BAG3: variants seen among roughly 807,000 people sequenced by gnomAD.
The protein encoded by BAG3 is BAG cochaperone 3.
A neutral mutation model predicts 40.5 loss-of-function variants in BAG3; 14 were observed. The ratio of observed to expected loss-of-function variants is 0.35; its 90% CI spans 0.23 to 0.54. The LOEUF is 0.54. BAG3 is among the 20% of genes least tolerant of loss of function. The pLI is 0.91. For synonymous variants in BAG3, 302 were observed against 307.8 expected, an observed-to-expected ratio of 0.98 and a Z score of 0.20; for missense variants, 788 against 758.6, an observed-to-expected ratio of 1.04 and a Z score of -0.46.
At chr10:119,666,676 T>A (rs1392920486) in intron 1 of BAG3, among the ~76,000 whole-genome samples, 1 of 69,976 alleles carries the variant, frequency 1.4e-5, no homozygotes, top group African/African-American at 5.3e-5. Context: ...AGGAGCTGCA[T>A]CTCCTCAAGG....
chr10:119,676,443 A>T (rs196294), intron 3 of BAG3, 21 bp from the exon 4 acceptor site: 1 of 1,611,636 alleles, frequency 6.2e-7, no homozygotes. Context: ...TTAAAAATAT[A>T]TTTTTGTGTC....
chr10:119,654,127 A>G (rs1195494543), intron 1 of BAG3, among the ~76,000 whole-genome samples: 1 of 152,262 alleles, frequency 6.6e-6, no homozygotes, highest in Non-Finnish European at 1.5e-5. Flanking sequence ...ACACAATATC[A>G]GGTTGCACTT....
intron 3 of BAG3, among the ~76,000 whole-genome samples, chr10:119,676,140 T>C (rs1847231690): frequency 6.6e-6 from 1 of 151,246 alleles, no homozygotes; most frequent in Non-Finnish European, 1.5e-5. Context: ...ATTGCCCAGG[T>C]TAGCTATTTT....
At position 119,672,355 on chromosome 10, in the gene BAG3, G is replaced by C. The variant is rs1057524225; in HGVS notation, c.608G>C (p.Arg203Pro). 2 of 1,613,960 alleles carry C rather than the reference G, an allele frequency of 1.2e-6. No homozygotes were observed. Among genetic ancestry groups the C allele is most frequent in the Admixed American group, 1.7e-5 (1 of 60,000 alleles). ...AGCCTGGGCAGTCACCAGCTCCCGC[G>C]GGGGTACATCTCCATTCCGGTGATA... ...RSSLGSHQLP[R>P]GYISIPVIHE... The change falls in exon 3 of 4, where the codon CGG becomes CCG. Residue 203 changes from arginine to proline, a missense_variant. By Grantham distance (103) the Arg-to-Pro change is moderately radical. Transcript: ENST00000369085. This position sits in a 1 kb window ranked among gnomAD's most constrained non-coding sequence, Gnocchi z 4.8.
At chr10:119,657,527 G>A (rs1251795085) in intron 1 of BAG3, 2 of 471,054 alleles carry the variant, frequency 4.2e-6, no homozygotes, top group Admixed American at 2.3e-5. Context: ...CCTGCCCAGA[G>A]CGCGAAGGCA....
Position 119,677,546 on chromosome 10 carries a change from G to GGGCACCCCCACCACCTGTT in BAG3, c.*265_*283dup. ...TGTTGTTCTGCAGCCCTGTCTACTT[G>GGGCACCCCCACCACCTGTT]GGCACCCCCACCACCTGTTAGCTGT... On this transcript the variant is annotated 3_prime_UTR_variant, in exon 4 of 4. Coordinates refer to ENST00000369085, the MANE Select transcript of BAG3 (RefSeq NM_004281.4). 1.8e-6 allele frequency: 1 copy of GGGCACCCCCACCACCTGTT among 544,800 alleles called. No homozygotes were observed. The highest frequency in any genetic ancestry group is 2.0e-5 in the South Asian group (1 of 49,760). 33.7% of individuals were successfully genotyped at this position (544,800 alleles called of 1,614,324 possible).
rs780117672 is a variant in BAG3, at chr10:119,672,161, G to T, written c.508-94G>T. On this transcript the variant is annotated intron_variant, in intron 2 of 3. Transcript: ENST00000369085. The surrounding 1 kb of genome is among the most constrained non-coding windows in gnomAD (Gnocchi z 4.8). The stretch of plus-strand genomic sequence containing the variant: ...GATAGGAGGTCTTACAATATGGATT[G>T]CCCTGAGGAGGTGCACAGCAGAAGG... 1.5e-5 allele frequency: 23 copies of T among 1,495,920 alleles called. No individual in the cohort carries two copies. The highest frequency in any genetic ancestry group is 1.2e-4 in the Admixed American group (7 of 59,834). 92.7% of individuals were successfully genotyped at this position (1,495,920 alleles called of 1,614,324 possible).
rs964684316 is a variant in BAG3, at chr10:119,651,747, C to A, written c.72C>A (p.Pro24=). The A allele has an allele frequency of 2.5e-6, 4 of 1,599,836 alleles. No homozygotes were observed. Among genetic ancestry groups the A allele is most frequent in the African/African-American group, 1.4e-5 (1 of 73,770 alleles). ...SGNGDRDPLP[P]GWEIKIDPQT... is the part of the protein sequence containing the mutation. Reference sequence around the variant, plus strand: ...ACGGTGACCGCGACCCTTTGCCCCCCGGATGGGAGATCAAGATCGACCCGC... The same window carrying A: ...ACGGTGACCGCGACCCTTTGCCCCCAGGATGGGAGATCAAGATCGACCCGC... The change falls in exon 1 of 4, where the codon CCC becomes CCA. Residue 24 remains proline, a synonymous_variant. Coordinates refer to ENST00000369085, the MANE Select transcript of BAG3 (RefSeq NM_004281.4).
intron 1 of BAG3, among the ~76,000 whole-genome samples, chr10:119,656,378 CTTTTTTTT>C (rs34602155): frequency 7.9e-6 from 1 of 126,882 alleles, no homozygotes; most frequent in South Asian, 2.6e-4. Flanking sequence ...AGCTGGCCTT[CTTTTTTTT>C]TTTTTTTTTT....
chr10:119,662,890 C>G (rs1194290449), intron 1 of BAG3, among the ~76,000 whole-genome samples: 1 of 152,204 alleles, frequency 6.6e-6, no homozygotes, highest in African/African-American at 2.4e-5. Flanking sequence ...TGGCGGGCAC[C>G]TGTAGTCCCA....
chr10:119,662,215 G>GTTTTTTTTT (rs367864009), intron 1 of BAG3, among the ~76,000 whole-genome samples: 215 of 90,322 alleles, frequency 2.4e-3, no homozygotes, highest in African/African-American at 3.6e-3. Flanking sequence ...GCCTGGCTAT[G>GTTTTTTTTT]TTTTTTTTTT....
At chr10:119,675,581 C>T (rs1012950890) in intron 3 of BAG3, among the ~76,000 whole-genome samples, 1 of 152,074 alleles carries the variant, frequency 6.6e-6, no homozygotes, top group Non-Finnish European at 1.5e-5. Flanking sequence ...TTTTCTAAAA[C>T]AGGAGACAAG....
intron 1 of BAG3, among the ~76,000 whole-genome samples, chr10:119,654,680 T>G (rs1564768101): frequency 6.6e-6 from 1 of 152,248 alleles, no homozygotes; most frequent in African/African-American, 2.4e-5. Context: ...TTCTGCACAC[T>G]TGGGCTTCCC....
Position 119,652,786 on chromosome 10 carries a change from A to G in BAG3, c.180+931A>G, listed in dbSNP as rs185265437. ...TACAGCAGAAGTATGTCTCATTTAC[A>G]TACATGCAAGGATATATACTTCTTA... On this transcript the variant is annotated intron_variant, in intron 1 of 3. Coordinates refer to ENST00000369085, the MANE Select transcript of BAG3 (RefSeq NM_004281.4). Among the ~76,000 whole-genome samples the G allele has an allele frequency of 1.0e-3, 153 of 152,388 alleles. 2 individuals are homozygous for G. The highest frequency in any genetic ancestry group is 3.4e-3 in the Middle Eastern group (1 of 294).
At chr10:119,670,562 A>G (rs1409005290) in intron 2 of BAG3, among the ~76,000 whole-genome samples, 1 of 152,178 alleles carries the variant, frequency 6.6e-6, no homozygotes, top group Non-Finnish European at 1.5e-5. Flanking sequence ...TGGGCTTTCT[A>G]TTCAGAAGCA....
chr10:119,656,361 T>C (rs982066663), intron 1 of BAG3, among the ~76,000 whole-genome samples: 8 of 151,278 alleles, frequency 5.3e-5, no homozygotes, highest in Non-Finnish European at 4.4e-5. Flanking sequence ...CCTCAGAGCA[T>C]AGACTCAGCT....
Position 119,676,691 on chromosome 10 carries a change from C to T in BAG3, c.1137C>T (p.Gly379=). The change falls in exon 4 of 4, where the codon GGC becomes GGT. Residue 379 remains glycine (G), a synonymous_variant. Transcript: ENST00000369085. ...TTCCTTGTCCTCCTCCCAGCCCTGG[C>T]CCTTCTGCTGTCCCCTCTTCCCCCA... is the stretch of plus-strand genomic sequence containing the variant. The part of the protein sequence containing the change: ...APVPCPPPSP[G]PSAVPSSPKS... 1 of 1,614,178 alleles carries T rather than the reference C, an allele frequency of 6.2e-7. No individual in the cohort carries two copies. Among genetic ancestry groups the T allele is most frequent in the Non-Finnish European group, 8.5e-7 (1 of 1,180,034 alleles).
intron 1 of BAG3, among the ~76,000 whole-genome samples, chr10:119,665,141 T>TTTTTTTTTC (rs770421648): frequency 1.5e-4 from 13 of 85,914 alleles, no homozygotes; most frequent in African/African-American, 3.6e-4. Flanking sequence ...TATATATATA[T>TTTTTTTTTC]ATATTTTTTT....
At chr10:119,661,220 A>C (rs1846987369) in intron 1 of BAG3, among the ~76,000 whole-genome samples, 1 of 152,224 alleles carries the variant, frequency 6.6e-6, no homozygotes, top group Admixed American at 6.5e-5. Flanking sequence ...AGATTGTGCC[A>C]TTGCACTCTA....
Sources: allele counts gnomAD v4.1 joint callset (sites outside exome capture counted in the v4.1 genomes callset), GRCh38; gene constraint gnomAD v4.1.1; non-coding constraint Gnocchi (gnomAD v3.1); transcripts MANE v1.5; gene names NCBI Gene and HGNC (gene_info 2026-07-23, HGNC 2026-07-21).